Variants in POC1A observed in about 807,000 individuals in gnomAD.
The protein encoded by POC1A is POC1 centriolar protein A, also known as POC1 centriolar protein homolog A.
POC1A carries 34 observed loss-of-function variants against 47.8 expected under a neutral mutation model. That is an observed-to-expected ratio of 0.71 (90% CI 0.54 to 0.95). POC1A has a LOEUF of 0.95. Ranked by LOEUF, POC1A falls within the 40% of genes least tolerant of loss-of-function variation. The pLI is 0.00. For missense variants in POC1A, 466 were observed against 528.3 expected, an observed-to-expected ratio of 0.88 and a Z score of 1.16; for synonymous variants, 177 against 207.6, an observed-to-expected ratio of 0.85 and a Z score of 1.27.
chr3:52,131,006 C>A (rs1434406404), intron 7 of POC1A, among the ~76,000 whole-genome samples: 3 of 151,558 alleles, frequency 2.0e-5, no homozygotes, highest in Non-Finnish European at 4.4e-5. Context: ...AGGGGCTGCT[C>A]ACCCACACGG....
chr3:52,151,610 C>CAAA (rs575884047), intron 1 of POC1A, among the ~76,000 whole-genome samples: 1 of 55,778 alleles, frequency 1.8e-5, no homozygotes, highest in African/African-American at 6.1e-5. Context: ...GACTCCGTCT[C>CAAA]AAAAAAAAAA....
At chr3:52,122,969 C>T (rs1703847530) in intron 8 of POC1A, among the ~76,000 whole-genome samples, 1 of 152,260 alleles carries the variant, frequency 6.6e-6, no homozygotes, top group Non-Finnish European at 1.5e-5. Context: ...GTGGCCTGGC[C>T]TGTTACACTG....
chr3:52,108,164 C>T (rs1437408643), intron 9 of POC1A, among the ~76,000 whole-genome samples: 2 of 152,234 alleles, frequency 1.3e-5, no homozygotes, highest in African/African-American at 2.4e-5. Flanking sequence ...GGGCTTATTA[C>T]AGGGAATGTT....
intron 9 of POC1A, among the ~76,000 whole-genome samples, chr3:52,097,878 C>T (rs1372351257): frequency 6.6e-6 from 1 of 152,234 alleles, no homozygotes; most frequent in East Asian, 1.9e-4. Context: ...TCTTCCAGTC[C>T]TCCAGGAATC....
At chr3:52,093,292 A>C (rs1257636612) in intron 10 of POC1A, among the ~76,000 whole-genome samples, 1 of 152,202 alleles carries the variant, frequency 6.6e-6, no homozygotes. Context: ...TGGGTCTCAC[A>C]CAGGGCCCAC....
chr3:52,101,115 A>AC (rs1702991489), intron 9 of POC1A, among the ~76,000 whole-genome samples: 1 of 150,810 alleles, frequency 6.6e-6, no homozygotes, highest in African/African-American at 2.4e-5. Flanking sequence ...AAAAAATATC[A>AC]AGCACCAAGC....
In POC1A at chr3:52,100,555, G is replaced by A. The variant is rs571784179; in HGVS notation, c.982-3843C>T. On this transcript the variant is annotated intron_variant, in intron 9 of 10. Transcript: ENST00000296484. Reference sequence around the variant, plus strand: ...CAAGGAAAATAGAAAGTGAGCATCAGCTGTGGGTCACCTATGGCAAAGCAT... The same window carrying A: ...CAAGGAAAATAGAAAGTGAGCATCAACTGTGGGTCACCTATGGCAAAGCAT... 2.0e-5 allele frequency among the ~76,000 whole-genome samples: 3 copies of A among 152,366 alleles called. No individual in the cohort carries two copies. In the East Asian group the frequency reaches 5.8e-4, roughly 29 times the overall value.
Position 52,091,234 on chromosome 3 carries a change from C to T in POC1A, c.1125+5335G>A, listed in dbSNP as rs149504788. Among the ~76,000 whole-genome samples, 291 of 152,156 alleles carry T rather than the reference C, an allele frequency of 1.9e-3. 2 individuals carry two copies. The highest frequency in any genetic ancestry group is 6.4e-3 in the African/African-American group (267 of 41,494). ...CCTTGGACCCTGAGGGAGAGGCGTG[C>T]GATCTCTCAGTGGGGCGGGGAGCTC... On this transcript the variant is annotated intron_variant, in intron 10 of 10. Transcript: ENST00000296484.
Position 52,150,996 on chromosome 3 carries a change from G to C in POC1A, c.103+20C>G, listed in dbSNP as rs1302748485. 1.2e-6 allele frequency: 2 copies of C among 1,612,554 alleles called. No individual in the cohort carries two copies. The highest frequency in any genetic ancestry group is 1.7e-6 in the Non-Finnish European group (2 of 1,179,006). On this transcript the variant is annotated intron_variant, in intron 2 of 10. Transcript: ENST00000296484. ...TGTTCAGCTCATAACCTAGCACCTA[G>C]ACAGGGTGCCTCTTCTTACCCAGCT...
chr3:52,087,359 T>G (rs1177188110), intron 10 of POC1A, among the ~76,000 whole-genome samples: 13 of 152,024 alleles, frequency 8.6e-5, no homozygotes, highest in Non-Finnish European at 2.9e-5. Context: ...AAAAAACAAT[T>G]TCTAAAAAAA....
intron 9 of POC1A, among the ~76,000 whole-genome samples, chr3:52,100,258 C>G (rs1670522086): frequency 6.6e-6 from 1 of 152,208 alleles, no homozygotes; most frequent in Non-Finnish European, 1.5e-5. Context: ...ACAAAAGAAA[C>G]AGCTTGTAGA....
intron 10 of POC1A, among the ~76,000 whole-genome samples, chr3:52,087,872 C>G (rs906119943): frequency 6.6e-6 from 1 of 152,172 alleles, no homozygotes; most frequent in East Asian, 1.9e-4. Flanking sequence ...CATGTACAGG[C>G]CACCAGGGAA....
In POC1A at chr3:52,151,036, C is replaced by G; in HGVS notation, c.83G>C (p.Ser28Thr). The stretch of plus-strand genomic sequence containing the variant: ...CTTACCCAGCTGCTTTGTGTTGATA[C>G]TGAAGTCCACACAGGTAACTGCATC... ...HRDAVTCVDF[S>T]INTKQLASGS... The change falls in exon 2 of 11, where the codon AGT becomes ACT. Residue 28 changes from serine to threonine, a missense_variant. Coordinates refer to ENST00000296484, the MANE Select transcript of POC1A (RefSeq NM_015426.5). The G allele has an allele frequency of 6.2e-7, 1 of 1,613,778 alleles. No individual in the cohort carries two copies. Among genetic ancestry groups the G allele is most frequent in the Non-Finnish European group, 8.5e-7 (1 of 1,179,848 alleles).
chr3:52,136,918 CTG>C (rs1704492607), intron 7 of POC1A, among the ~76,000 whole-genome samples: 1 of 152,242 alleles, frequency 6.6e-6, no homozygotes, highest in Non-Finnish European at 1.5e-5. Context: ...CTGTTTCAAA[CTG>C]TTTCTGAGTT....
intron 9 of POC1A, among the ~76,000 whole-genome samples, chr3:52,109,860 C>T (rs1340400258): frequency 2.0e-5 from 3 of 152,192 alleles, no homozygotes; most frequent in Admixed American, 6.5e-5. Flanking sequence ...CATGGCAATG[C>T]TGCTGTCCAA....
At chr3:52,147,423 A>T (rs928649311) in intron 4 of POC1A, among the ~76,000 whole-genome samples, 1 of 151,114 alleles carries the variant, frequency 6.6e-6, no homozygotes, top group Non-Finnish European at 1.5e-5. Flanking sequence ...ACTGTGACTA[A>T]ATTTTGTTTT....
At chr3:52,083,005 C>T (rs1278351769) in intron 10 of POC1A, among the ~76,000 whole-genome samples, 1 of 152,222 alleles carries the variant, frequency 6.6e-6, no homozygotes, top group African/African-American at 2.4e-5. Flanking sequence ...TCATCCTCCA[C>T]GCCCACCAAT....
At chr3:52,134,917 A>AAGTGGCTG (rs958257891) in intron 7 of POC1A, among the ~76,000 whole-genome samples, 1 of 152,152 alleles carries the variant, frequency 6.6e-6, no homozygotes, top group Non-Finnish European at 1.5e-5. Context: ...ACAATTCAGG[A>AAGTGGCTG]AGTGGCTGAT....
At chr3:52,088,148 TG>T (rs957615929) in intron 10 of POC1A, among the ~76,000 whole-genome samples, 3 of 152,130 alleles carry the variant, frequency 2.0e-5, no homozygotes, top group Non-Finnish European at 4.4e-5. Context: ...GCTGGAGGCC[TG>T]GAAGTCTCAG....
Sources: gnomAD v4.1 joint callset for allele counts (sites outside exome capture counted in the v4.1 genomes callset) on GRCh38, gnomAD v4.1.1 for gene constraint, MANE v1.5 for transcripts, NCBI Gene and HGNC (gene_info 2026-07-23, HGNC 2026-07-21) for gene names.